SLC24A2: variants seen among roughly 807,000 people sequenced by gnomAD.
The protein encoded by SLC24A2 is solute carrier family 24 member 2.
A neutral mutation model predicts 62.0 loss-of-function variants in SLC24A2; 36 were observed. That is an observed-to-expected ratio of 0.58 (90% CI 0.44 to 0.77). The LOEUF is 0.77. Ranked by LOEUF, SLC24A2 falls within the 30% of genes least tolerant of loss-of-function variation. The pLI, the probability that SLC24A2 is intolerant of heterozygous loss-of-function variation, is 0.00. For synonymous variants in SLC24A2, 358 were observed against 294.0 expected, an observed-to-expected ratio of 1.22 and a Z score of -2.23; for missense variants, 846 against 817.9, an observed-to-expected ratio of 1.03 and a Z score of -0.42.
At chr9:19,717,974 CTTTTT>C (rs373497951) in intron 2 of SLC24A2, among the ~76,000 whole-genome samples, 1 of 135,314 alleles carries the variant, frequency 7.4e-6, no homozygotes. Flanking sequence ...TGATTTAAAA[CTTTTT>C]TTTTTTTTTT....
At chr9:20,153,785 A>T in the SLC24A2 span, among the ~76,000 whole-genome samples, 6 of 152,106 alleles carry the variant, frequency 3.9e-5, no homozygotes, top group South Asian at 1.2e-3. Flanking sequence ...AAAACACCAA[A>T]ATGTTAACTG....
At chr9:19,628,836 C>A (rs946552469) in intron 2 of SLC24A2, among the ~76,000 whole-genome samples, 1 of 152,176 alleles carries the variant, frequency 6.6e-6, no homozygotes, top group Non-Finnish European at 1.5e-5. Context: ...AACAAACAAA[C>A]AACTCATAAT....
chr9:19,918,678 G>T, the SLC24A2 span, among the ~76,000 whole-genome samples: 2 of 152,152 alleles, frequency 1.3e-5, no homozygotes, highest in African/African-American at 4.8e-5. Context: ...GGGTCCCAGT[G>T]AGAGTCATCT....
At chr9:20,286,426 G>C in the SLC24A2 span, among the ~76,000 whole-genome samples, 1 of 152,180 alleles carries the variant, frequency 6.6e-6, no homozygotes, top group Non-Finnish European at 1.5e-5. Context: ...GTACTAACAA[G>C]AATATAACTC....
the SLC24A2 span, among the ~76,000 whole-genome samples, chr9:20,260,144 G>A: frequency 6.6e-6 from 1 of 152,142 alleles, no homozygotes; most frequent in Admixed American, 6.6e-5. Flanking sequence ...GACCACGAGG[G>A]CTCCAACTTC....
the SLC24A2 span, among the ~76,000 whole-genome samples, chr9:20,226,113 T>C: frequency 6.6e-6 from 1 of 152,132 alleles, no homozygotes; most frequent in Non-Finnish European, 1.5e-5. Context: ...AGCAGCCAAT[T>C]ATATTCTAGC....
chr9:19,717,953 T>C lies in SLC24A2; in HGVS notation c.930+67984A>G, dbSNP rs558121385. ...AGATTGGGATGTCTAAAGACAAATA[T>C]AATGGCTAGATGATTTAAAACTTTT... is the stretch of plus-strand genomic sequence containing the variant. On this transcript the variant is annotated intron_variant, in intron 2 of 10. Coordinates refer to ENST00000341998, the MANE Select transcript of SLC24A2 (RefSeq NM_020344.4). Among the ~76,000 whole-genome samples the C allele has an allele frequency of 5.8e-4, 88 of 151,256 alleles. 1 individual carries two copies. The South Asian group carries it at 0.017, about 29-fold the overall frequency.
chr9:20,047,181 G>C, the SLC24A2 span, among the ~76,000 whole-genome samples: 2 of 152,096 alleles, frequency 1.3e-5, no homozygotes, highest in Non-Finnish European at 2.9e-5. Flanking sequence ...CCAAGGGAAC[G>C]GGCAACAGGA....
chr9:19,904,082 T>A, the SLC24A2 span, among the ~76,000 whole-genome samples: 1 of 152,136 alleles, frequency 6.6e-6, no homozygotes, highest in Non-Finnish European at 1.5e-5. Flanking sequence ...CTCGGACATG[T>A]AGCAAAGACC....
chr9:20,031,812 C>T, the SLC24A2 span, among the ~76,000 whole-genome samples: 1 of 152,150 alleles, frequency 6.6e-6, no homozygotes, highest in African/African-American at 2.4e-5. Context: ...CTACAAGTCA[C>T]CTCTGTTGCT....
At chr9:20,010,463 C>T in the SLC24A2 span, among the ~76,000 whole-genome samples, 84 of 152,012 alleles carry the variant, frequency 5.5e-4, 1 homozygote, top group African/African-American at 2.0e-3. Flanking sequence ...TGAAGAAGTT[C>T]AGGGAACCAT....
rs986819566 is a variant in SLC24A2, at chr9:19,632,164, A to T, written c.931-9865T>A. 4.6e-5 allele frequency among the ~76,000 whole-genome samples: 7 copies of T among 152,136 alleles called. No homozygotes were observed. The highest frequency in any genetic ancestry group is 1.2e-4 in the African/African-American group (5 of 41,426). On this transcript the variant is annotated intron_variant, in intron 2 of 10. Transcript: ENST00000341998. This position sits in a 1 kb window ranked among gnomAD's most constrained non-coding sequence, Gnocchi z 4.5. ...TGCAGTTTAGGGTAGAGTGAGTCAA[A>T]TTAAGATTCAAACTTATCCTCAACA...
chr9:20,074,702 C>T, the SLC24A2 span, among the ~76,000 whole-genome samples: 7 of 151,542 alleles, frequency 4.6e-5, no homozygotes, highest in South Asian at 4.2e-4. Context: ...GGTCTCTTTC[C>T]GGTAGAAGAC....
chr9:20,055,696 T>A, the SLC24A2 span, among the ~76,000 whole-genome samples: 36 of 152,106 alleles, frequency 2.4e-4, no homozygotes, highest in Admixed American at 3.9e-4. Flanking sequence ...AAGACCACCC[T>A]GGGCAACATG....
intron 6 of SLC24A2, among the ~76,000 whole-genome samples, chr9:19,576,508 G>A (rs567379530): frequency 6.6e-6 from 1 of 152,202 alleles, no homozygotes; most frequent in South Asian, 2.1e-4. Flanking sequence ...ATAAAAATCT[G>A]GTTACCAGTC....
chr9:20,251,089 G>C, the SLC24A2 span, among the ~76,000 whole-genome samples: 1 of 152,166 alleles, frequency 6.6e-6, no homozygotes, highest in African/African-American at 2.4e-5. Context: ...AGAAGGCAGT[G>C]AAAAAGGAAA....
the SLC24A2 span, among the ~76,000 whole-genome samples, chr9:20,130,184 C>A: frequency 6.6e-6 from 1 of 152,112 alleles, no homozygotes; most frequent in East Asian, 1.9e-4. Context: ...GTACAAAACT[C>A]CAAGTATGTG....
At chr9:20,236,357 A>G in the SLC24A2 span, among the ~76,000 whole-genome samples, 8 of 152,198 alleles carry the variant, frequency 5.3e-5, no homozygotes, top group African/African-American at 1.9e-4. Context: ...AATCTAAAAT[A>G]AATGTCTTTC....
the SLC24A2 span, among the ~76,000 whole-genome samples, chr9:20,286,332 G>C: frequency 6.6e-6 from 1 of 152,178 alleles, no homozygotes; most frequent in African/African-American, 2.4e-5. Context: ...GAGATGATGT[G>C]GCAGCTGTCA....
Sources: allele counts gnomAD v4.1 joint callset (sites outside exome capture counted in the v4.1 genomes callset), GRCh38; gene constraint gnomAD v4.1.1; non-coding constraint Gnocchi (gnomAD v3.1); transcripts MANE v1.5; gene names NCBI Gene and HGNC (gene_info 2026-07-23, HGNC 2026-07-21).